Variants in COL4A4 observed in about 807,000 individuals in gnomAD.
COL4A4 encodes the protein collagen type IV alpha 4 chain, also known as collagen alpha-4(IV) chain.
In COL4A4, 105 loss-of-function variants were observed where a neutral mutation model predicts 192.9. The observed-to-expected ratio is 0.54, with a 90% confidence interval of 0.46 to 0.64. COL4A4 has a LOEUF of 0.64. Among genes scored for constraint, COL4A4 ranks in the 30% least tolerant of loss-of-function variants. The pLI is 0.00. For synonymous variants in COL4A4, 762 were observed against 769.9 expected (o/e 0.99, Z 0.17); for missense variants, 1,967 against 2,169.3 (o/e 0.91, Z 1.85).
At chr2:227,095,127 G>C (rs749612181) in intron 19 of COL4A4, among the ~76,000 whole-genome samples, 58 of 152,310 alleles carry the variant, frequency 3.8e-4, no homozygotes, top group Non-Finnish European at 6.9e-4. Flanking sequence ...CATTCTTTAG[G>C]ATTATTGGGG....
Position 227,108,613 on chromosome 2 carries a change from CG to C in COL4A4, c.702del (p.Gly235ValfsTer4). 6.2e-7 allele frequency: 1 copy of C among 1,613,972 alleles called. No homozygotes were observed. The highest frequency in any genetic ancestry group is 8.5e-7 in the Non-Finnish European group (1 of 1,179,892). On this transcript the variant is annotated frameshift_variant, in exon 12 of 48. Coordinates refer to ENST00000396625, the MANE Select transcript of COL4A4 (RefSeq NM_000092.5). LOFTEE classifies it high-confidence loss of function. ...CCCATTTGCCCCTTTACTCCCACAC[CG>C]GGATTTCCCTGAGAAAGAAATGAAA... Reference protein sequence around the residue: ...QPGRPGLKGNPGVGVKGQMGD... With the variant: ...QPGRPGLKGNXGVGVKGQMGD...
rs1357353355 is a variant in COL4A4, at chr2:227,041,766, GGAA to G, written c.3505+379_3505+381del. Among the ~76,000 whole-genome samples, 134 of 114,432 alleles carry G rather than the reference GGAA, an allele frequency of 1.2e-3. 2 individuals carry two copies. The highest frequency in any genetic ancestry group is 2.5e-3 in the African/African-American group (65 of 25,654). The allele number at this position is 114,432 out of a possible 152,430, so 75.1% of individuals were successfully genotyped here. ...AGGAAGGAAGGAAGGAAGGAAGGAA[GGAA>G]GGAAGGAAGGAAGGAAGGGAAAGAA... On this transcript the variant is annotated intron_variant, in intron 37 of 47. Transcript: ENST00000396625.
Position 227,005,469 on chromosome 2 carries a change from A to G in COL4A4, c.*1856T>C, listed in dbSNP as rs1384072506. The stretch of plus-strand genomic sequence containing the variant: ...AAATTGGCTTAAGTTTTAGGTGCAC[A>G]AAAATATTCAACATGCCAGAGCATG... On this transcript the variant is annotated 3_prime_UTR_variant, in exon 48 of 48. Coordinates refer to ENST00000396625, the MANE Select transcript of COL4A4 (RefSeq NM_000092.5). The G allele has an allele frequency of 6.6e-6, 1 of 152,242 alleles. No individual in the cohort carries two copies. Among genetic ancestry groups the G allele is most frequent in the Admixed American group, 6.5e-5 (1 of 15,286 alleles). 9.4% of individuals were successfully genotyped at this position (152,242 alleles called of 1,614,324 possible). A position where few individuals can be genotyped will look rare whatever the true frequency, so the allele number is the denominator to read the frequency against.
chr2:227,101,025 G>A (rs926558668), intron 17 of COL4A4, among the ~76,000 whole-genome samples: 3 of 152,070 alleles, frequency 2.0e-5, no homozygotes, highest in Non-Finnish European at 4.4e-5. Flanking sequence ...AGCCAGGATG[G>A]TCTCGATCTC....
At chr2:226,972,836 G>C in the COL4A4 span, among the ~76,000 whole-genome samples, 1 of 151,022 alleles carries the variant, frequency 6.6e-6, no homozygotes, top group African/African-American at 2.4e-5. Flanking sequence ...TTTTGGTTGG[G>C]TTATAGGTAA....
Position 227,094,126 on chromosome 2 carries a change from A to G in COL4A4, c.1368T>C (p.Ser456=). The G allele has an allele frequency of 5.0e-6, 8 of 1,613,598 alleles. No homozygotes were observed. The highest frequency in any genetic ancestry group is 6.8e-6 in the Non-Finnish European group (8 of 1,179,696). The part of the protein sequence containing the change: ...APGLQGLPGS[S]VIYCSVGNPG... ...GGATATGAATAAGGAGTACTTTACC[A>G]CTTGATCCTGGGAGGCCCTGCAGGC... The change falls in exon 20 of 48, where the codon AGT becomes AGC. Residue 456 remains serine, a splice_region_variant and synonymous_variant. Coordinates refer to ENST00000396625, the MANE Select transcript of COL4A4 (RefSeq NM_000092.5).
At chr2:227,017,743 C>T (rs72969715) in intron 44 of COL4A4, among the ~76,000 whole-genome samples, 3,739 of 152,248 alleles carry the variant, frequency 0.025, 61 homozygotes, top group Non-Finnish European at 0.039. Context: ...TAAGTCTCAG[C>T]TGTAGCACAT....
At chr2:227,059,345 G>C in intron 28 of COL4A4, 60 bp downstream of exon 28, 1 of 1,365,244 alleles carries the variant, frequency 7.3e-7, no homozygotes, top group Non-Finnish European at 1.0e-6. Context: ...ACGTTCTTCA[G>C]TGACCTGTTC....
the COL4A4 span, chr2:226,995,567 C>G: frequency 1.4e-5 from 18 of 1,257,302 alleles, no homozygotes; most frequent in Non-Finnish European, 1.5e-5. Context: ...AATTATTGCC[C>G]ATTTGGCTCA....
At chr2:227,162,760 T>C (rs1187283340) in intron 1 of COL4A4, among the ~76,000 whole-genome samples, 1 of 152,226 alleles carries the variant, frequency 6.6e-6, no homozygotes, top group Non-Finnish European at 1.5e-5. Context: ...TTAAAACAGC[T>C]AGAGAGTCTG....
chr2:227,111,732 A>C lies in COL4A4; in HGVS notation c.559-19T>G. ...TGTCTCCCTGCAAAAATAAGAATGC[A>C]TTGCTTTAAGTCCACACAATGTTCC... On this transcript the variant is annotated intron_variant, in intron 8 of 47. Transcript: ENST00000396625. The C allele has an allele frequency of 1.9e-6, 3 of 1,613,198 alleles. No homozygotes were observed.
intron 12 of COL4A4, among the ~76,000 whole-genome samples, chr2:227,106,060 G>A (rs77812611): frequency 2.3e-4 from 32 of 136,520 alleles, no homozygotes; most frequent in African/African-American, 8.2e-4. Flanking sequence ...AAAAAAAAAA[G>A]AGTTCAATTT....
At chr2:227,126,812 A>G (rs1302089437) in intron 4 of COL4A4, among the ~76,000 whole-genome samples, 1 of 152,212 alleles carries the variant, frequency 6.6e-6, no homozygotes, top group Non-Finnish European at 1.5e-5. Flanking sequence ...ACAGAGAATA[A>G]TTCTATTTTC....
intron 1 of COL4A4, among the ~76,000 whole-genome samples, chr2:227,155,984 T>G (rs997788979): frequency 1.3e-5 from 2 of 152,168 alleles, no homozygotes; most frequent in African/African-American, 2.4e-5. Context: ...TGAGTAGGAC[T>G]TGGTGCCTAC....
intron 26 of COL4A4, among the ~76,000 whole-genome samples, chr2:227,062,005 C>T (rs1046611847): frequency 6.6e-6 from 1 of 151,978 alleles, no homozygotes; most frequent in Non-Finnish European, 1.5e-5. Flanking sequence ...TTTGGGAGGC[C>T]GAGGTGGGCG....
intron 37 of COL4A4, among the ~76,000 whole-genome samples, chr2:227,040,293 C>T (rs1484328782): frequency 5.3e-5 from 8 of 152,164 alleles, no homozygotes. Flanking sequence ...GGTTACAAGA[C>T]TCTACCAAGT....
intron 1 of COL4A4, among the ~76,000 whole-genome samples, chr2:227,149,935 AC>A (rs1274212931): frequency 6.6e-6 from 1 of 152,172 alleles, no homozygotes; most frequent in African/African-American, 2.4e-5. Context: ...ACTAGCCAAA[AC>A]CATGAAAGGA....
chr2:226,981,196 A>G, the COL4A4 span, among the ~76,000 whole-genome samples: 1 of 152,154 alleles, frequency 6.6e-6, no homozygotes, highest in Non-Finnish European at 1.5e-5. Context: ...GGTGGGGAAC[A>G]TCATACACTG....
intron 4 of COL4A4, among the ~76,000 whole-genome samples, chr2:227,131,509 T>C (rs2062464445): frequency 6.6e-6 from 1 of 152,074 alleles, no homozygotes. Context: ...CCCACTGTGG[T>C]CAAATTTCTC....
Sources: allele counts gnomAD v4.1 joint callset (sites outside exome capture counted in the v4.1 genomes callset), GRCh38; gene constraint gnomAD v4.1.1; transcripts MANE v1.5; gene names NCBI Gene and HGNC (gene_info 2026-07-23, HGNC 2026-07-21).